METTL15: variants seen among roughly 807,000 people sequenced by gnomAD.
METTL15 encodes 12S rRNA N(4)-cytidine methyltransferase METTL15.
METTL15 carries 34 observed loss-of-function variants against 38.3 expected under a neutral mutation model. That is an observed-to-expected ratio of 0.89 (90% CI 0.68 to 1.18). The LOEUF (loss-of-function observed/expected upper bound fraction) is 1.18, where lower values mean the gene tolerates loss of function less well. Among genes scored for constraint, METTL15 ranks in the 50% most tolerant of loss-of-function variants. The probability of loss-of-function intolerance (pLI) is 0.00; values close to 1 mark genes in which losing one functional copy is unlikely to be tolerated. For synonymous variants in METTL15, 162 were observed against 170.9 expected, an observed-to-expected ratio of 0.95 and a Z score of 0.41; for missense variants, 438 against 498.4, an observed-to-expected ratio of 0.88 and a Z score of 1.15.
chr11:28,167,106 A>G lies in METTL15; in HGVS notation c.271-43956A>G, dbSNP rs570938573. ...AAGTTTGGTATTGATAGACACAGTCATTAAATAATGGAGCTTTCAGGAACT... is the reference window on the plus strand; with the variant it reads ...AAGTTTGGTATTGATAGACACAGTCGTTAAATAATGGAGCTTTCAGGAACT... On this transcript the variant is annotated intron_variant, in intron 3 of 6. Coordinates refer to ENST00000407364, the MANE Select transcript of METTL15 (RefSeq NM_001113528.2). Among the ~76,000 whole-genome samples, 4 of 152,322 alleles carry G rather than the reference A, an allele frequency of 2.6e-5. No homozygotes were observed. In the East Asian group the frequency reaches 7.7e-4, roughly 29 times the overall value.
chr11:28,122,056 TA>T (rs1852263360), intron 3 of METTL15: 1 of 789,424 alleles, frequency 1.3e-6, no homozygotes, highest in Non-Finnish European at 1.6e-6. Flanking sequence ...TTTTAGTTAA[TA>T]AAAGTTATAG....
intron 5 of METTL15, among the ~76,000 whole-genome samples, chr11:28,291,163 C>T (rs1163216424): frequency 6.6e-6 from 1 of 151,212 alleles, no homozygotes; most frequent in Admixed American, 6.6e-5. Context: ...TCTCATGCCT[C>T]AGCCTCCTGA....
intron 6 of METTL15, among the ~76,000 whole-genome samples, chr11:28,430,144 G>A (rs1439699945): frequency 6.6e-6 from 1 of 151,634 alleles, no homozygotes; most frequent in Non-Finnish European, 1.5e-5. Context: ...TGAGAAGTGA[G>A]GAGCCCCTCC....
chr11:28,140,988 A>G (rs1278008699), intron 3 of METTL15, among the ~76,000 whole-genome samples: 1 of 152,190 alleles, frequency 6.6e-6, no homozygotes, highest in Admixed American at 6.5e-5. Flanking sequence ...TTTCATTATT[A>G]TAGCCAAATA....
intron 5 of METTL15, among the ~76,000 whole-genome samples, chr11:28,384,550 T>C (rs1850421387): frequency 1.3e-5 from 2 of 152,168 alleles, no homozygotes; most frequent in Non-Finnish European, 2.9e-5. Context: ...CCTCAGATGA[T>C]GCACTTGCCT....
intron 4 of METTL15, among the ~76,000 whole-genome samples, chr11:28,221,395 A>G (rs1853213096): frequency 1.3e-5 from 2 of 152,202 alleles, no homozygotes; most frequent in South Asian, 4.1e-4. Flanking sequence ...TTCTCGTGCC[A>G]TGGTTTTCAG....
intron 5 of METTL15, among the ~76,000 whole-genome samples, chr11:28,384,368 G>A (rs1850419404): frequency 6.6e-6 from 1 of 151,746 alleles, no homozygotes; most frequent in African/African-American, 2.4e-5. Flanking sequence ...GAGTGCAGTG[G>A]CATGATGTTG....
intron 4 of METTL15, among the ~76,000 whole-genome samples, chr11:28,220,168 G>A (rs1853127102): frequency 1.3e-5 from 2 of 152,138 alleles, no homozygotes; most frequent in African/African-American, 4.8e-5. Context: ...GGGTGTTAAA[G>A]TCTGCCATTA....
chr11:28,330,485 A>T lies in METTL15; in HGVS notation c.868A>T (p.Ile290Leu). The change falls in exon 7 of 7, where the codon ATA (isoleucine) becomes TTA (leucine). Residue 290 changes from isoleucine (I) to leucine (L), a missense_variant. By Grantham distance (5) the Ile-to-Leu change is conservative. Coordinates refer to ENST00000407364, the MANE Select transcript of METTL15 (RefSeq NM_001113528.2). ...IATKTFQALR[I>L]FVNNELNELY... ...CACCAAGACTTTCCAGGCTCTTCGCATATTTGTGAACAATGAGCTCAATGA... is the reference window on the plus strand; with the variant it reads ...CACCAAGACTTTCCAGGCTCTTCGCTTATTTGTGAACAATGAGCTCAATGA... The T allele has an allele frequency of 6.4e-7, 1 of 1,551,498 alleles. No homozygotes were observed. Among genetic ancestry groups the T allele is most frequent in the Middle Eastern group, 1.7e-4 (1 of 5,990 alleles).
At chr11:28,163,746 T>C in intron 3 of METTL15, 1 of 286,544 alleles carries the variant, frequency 3.5e-6, no homozygotes, top group Non-Finnish European at 6.4e-6. Flanking sequence ...ATTTTTATTG[T>C]TGTTAATTTT....
chr11:28,357,274 A>C (rs1015668774), intron 4 of METTL15, among the ~76,000 whole-genome samples: 2 of 152,238 alleles, frequency 1.3e-5, no homozygotes, highest in Non-Finnish European at 2.9e-5. Context: ...TCTCCTTAAT[A>C]AATGGAGAAG....
intron 6 of METTL15, among the ~76,000 whole-genome samples, chr11:28,482,164 T>TC (rs1189268119): frequency 5.9e-5 from 9 of 152,176 alleles, no homozygotes; most frequent in Non-Finnish European, 2.9e-5. Context: ...GAAGCTGTCT[T>TC]CACTTCTCTA....
intron 6 of METTL15, among the ~76,000 whole-genome samples, chr11:28,502,097 T>C (rs1270854709): frequency 8.8e-6 from 1 of 113,662 alleles, no homozygotes; most frequent in Non-Finnish European, 1.8e-5. Context: ...CAAGACTCTG[T>C]CTCAAAAAAA....
intron 3 of METTL15, among the ~76,000 whole-genome samples, chr11:28,130,833 A>G (rs1852737299): frequency 6.6e-6 from 1 of 152,216 alleles, no homozygotes; most frequent in African/African-American, 2.4e-5. Context: ...CAATAGTTAC[A>G]TTTCTAGAAA....
intron 3 of METTL15, among the ~76,000 whole-genome samples, chr11:28,137,987 T>A (rs1415350452): frequency 6.6e-6 from 1 of 152,202 alleles, no homozygotes; most frequent in Non-Finnish European, 1.5e-5. Context: ...GTGGTACCCT[T>A]CAAGAGCAGG....
intron 6 of METTL15, among the ~76,000 whole-genome samples, chr11:28,488,853 C>CA (rs1851458784): frequency 1.3e-5 from 2 of 151,986 alleles, no homozygotes; most frequent in African/African-American, 4.8e-5. Context: ...TTCTGAATCC[C>CA]AACTCTAATC....
chr11:28,416,904 G>A (rs935297907), intron 5 of METTL15, among the ~76,000 whole-genome samples: 4 of 152,178 alleles, frequency 2.6e-5, no homozygotes, highest in African/African-American at 7.2e-5. Context: ...GATGTAGATT[G>A]AAATGTGTGA....
intron 6 of METTL15, among the ~76,000 whole-genome samples, chr11:28,320,374 C>T (rs925673318): frequency 5.9e-5 from 9 of 151,544 alleles, no homozygotes; most frequent in Non-Finnish European, 8.8e-5. Flanking sequence ...GCCTAGGCAA[C>T]GTAGCGAGAC....
chr11:28,325,752 G>A (rs904652450), intron 6 of METTL15, among the ~76,000 whole-genome samples: 2 of 152,202 alleles, frequency 1.3e-5, no homozygotes, highest in Non-Finnish European at 2.9e-5. Context: ...ACAGGTGACT[G>A]TGATGTACAG....
Sources: gnomAD v4.1 joint callset for allele counts (sites outside exome capture counted in the v4.1 genomes callset) on GRCh38, gnomAD v4.1.1 for gene constraint, MANE v1.5 for transcripts, NCBI Gene and HGNC (gene_info 2026-07-23, HGNC 2026-07-21) for gene names.